NOD1: variants seen among roughly 807,000 people sequenced by gnomAD.
NOD1 encodes nucleotide-binding oligomerization domain-containing protein 1.
Under a neutral mutation model 81.2 loss-of-function variants are expected in NOD1, and 70 were observed. The ratio of observed to expected loss-of-function variants is 0.86; its 90% CI spans 0.71 to 1.05. The LOEUF (loss-of-function observed/expected upper bound fraction) is 1.05, where lower values mean the gene tolerates loss of function less well. NOD1 is among the 50% of genes least tolerant of loss of function. NOD1 has a pLI of 0.00. For synonymous variants in NOD1, 508 were observed against 526.9 expected, an observed-to-expected ratio of 0.96 and a Z score of 0.49; for missense variants, 1,233 against 1,228.0, an observed-to-expected ratio of 1.00 and a Z score of -0.06.
chr7:30,426,556 C>T (rs1369008923), intron 13 of NOD1, among the ~76,000 whole-genome samples: 1 of 152,072 alleles, frequency 6.6e-6, no homozygotes, highest in Non-Finnish European at 1.5e-5. Context: ...AATTCAGTTT[C>T]CTAGAAGAGC....
chr7:30,436,139 C>T (rs1784361269), intron 10 of NOD1, 58 bp from the exon 11 acceptor site: 8 of 1,362,172 alleles, frequency 5.9e-6, no homozygotes, highest in Admixed American at 5.2e-5. Flanking sequence ...TCAATCTTAG[C>T]TTCAACATCA....
At chr7:30,454,861 A>C (rs940066258) in intron 5 of NOD1, among the ~76,000 whole-genome samples, 1 of 152,210 alleles carries the variant, frequency 6.6e-6, no homozygotes, top group Non-Finnish European at 1.5e-5. Flanking sequence ...AAATGTCTAC[A>C]TATGTCAGAA....
chr7:30,433,495 G>A, intron 11 of NOD1: 2 of 370,232 alleles, frequency 5.4e-6, no homozygotes, highest in Non-Finnish European at 9.8e-6. Context: ...GAAAACAAAG[G>A]GCCAATGCCT....
At chr7:30,454,281 A>T (rs1327215628) in intron 5 of NOD1, among the ~76,000 whole-genome samples, 1 of 152,262 alleles carries the variant, frequency 6.6e-6, no homozygotes, top group African/African-American at 2.4e-5. Context: ...TGGAGAGTTC[A>T]AAAGCAGGGA....
At chr7:30,436,846 C>T (rs941386781) in intron 10 of NOD1, among the ~76,000 whole-genome samples, 2 of 152,150 alleles carry the variant, frequency 1.3e-5, no homozygotes, top group African/African-American at 4.8e-5. Context: ...ACCAGAAATA[C>T]CATTTGACCC....
chr7:30,455,378 C>G, intron 4 of NOD1, 67 bp from the exon 5 acceptor site: 2 of 1,305,650 alleles, frequency 1.5e-6, no homozygotes, highest in Non-Finnish European at 2.2e-6. Context: ...TAAGGACCCT[C>G]AGGCAGGCTC....
At chr7:30,430,777 G>A (rs545685561) in intron 12 of NOD1, among the ~76,000 whole-genome samples, 1 of 152,242 alleles carries the variant, frequency 6.6e-6, no homozygotes, top group Non-Finnish European at 1.5e-5. Flanking sequence ...GGGGAAGGGA[G>A]CTCTTGTCAC....
At chr7:30,469,557 G>A (rs964078877) in intron 1 of NOD1, among the ~76,000 whole-genome samples, 11 of 152,184 alleles carry the variant, frequency 7.2e-5, no homozygotes, top group Non-Finnish European at 1.2e-4. Flanking sequence ...ACAGTGGAAC[G>A]CATACATCCT....
Position 30,451,179 on chromosome 7 carries a change from C to CGGCCCACCT in NOD1, c.2201+28_2201+36dup. 1.3e-6 allele frequency: 2 copies of CGGCCCACCT among 1,594,840 alleles called. No homozygotes were observed. The highest frequency in any genetic ancestry group is 1.7e-6 in the Non-Finnish European group (2 of 1,169,630). On this transcript the variant is annotated intron_variant, in intron 6 of 13. Coordinates refer to ENST00000222823, the MANE Select transcript of NOD1 (RefSeq NM_006092.4). The surrounding 1 kb of genome is among the most constrained non-coding windows in gnomAD (Gnocchi z 4.2). ...CGATGCCCTCCGAGCCTGGCCCGCC[C>CGGCCCACCT]GGCCCACCTGTTGCTCCCCTTGCCT...
intron 9 of NOD1, among the ~76,000 whole-genome samples, chr7:30,445,584 C>A (rs987744608): frequency 6.6e-6 from 1 of 151,556 alleles, no homozygotes. Context: ...CATGGTGAAA[C>A]CCCGCCTCTA....
chr7:30,454,300 T>A (rs1786114670), intron 5 of NOD1, among the ~76,000 whole-genome samples: 1 of 152,228 alleles, frequency 6.6e-6, no homozygotes, highest in African/African-American at 2.4e-5. Flanking sequence ...GAAAGAAGAC[T>A]CCTGCCCCAG....
At chr7:30,430,969 T>C (rs959190318) in intron 12 of NOD1, among the ~76,000 whole-genome samples, 3 of 152,240 alleles carry the variant, frequency 2.0e-5, no homozygotes, top group Admixed American at 1.3e-4. Flanking sequence ...TCAGTTACAC[T>C]CTGCTGTTTT....
At chr7:30,446,814 A>G (rs550210462) in intron 8 of NOD1, 153 bp downstream of exon 8, 191 of 631,608 alleles carry the variant, frequency 3.0e-4, no homozygotes, top group Non-Finnish European at 4.6e-4. Context: ...AGCCTCACAG[A>G]TCACACAGAG....
rs1388321174 is a variant in NOD1, at chr7:30,437,590, G to T, written c.2520C>A (p.Pro840=). 1 of 1,507,622 alleles carries T rather than the reference G, an allele frequency of 6.6e-7. No individual in the cohort carries two copies. The highest frequency in any genetic ancestry group is 8.8e-7 in the Non-Finnish European group (1 of 1,140,646). 93.4% of individuals were successfully genotyped at this position (1,507,622 alleles called of 1,614,324 possible). A position where few individuals can be genotyped will look rare whatever the true frequency, so the allele number is the denominator to read the frequency against. Residue 840 remains proline, a synonymous_variant, in exon 10 of 14, where the codon CCC becomes CCA. Transcript: ENST00000222823. The stretch of plus-strand genomic sequence containing the variant: ...ACAGTTACCTCAGGGTGGTCAAGCT[G>T]GGGTGGTTCCGCAGAGCCTCTGCGA... ...KAFAEALRNH[P]SLTTLSLASN...
In NOD1 at chr7:30,456,935, A is replaced by G; in HGVS notation, c.-14T>C. ...CTGCTCTTCCATAGTTAAAGTAGCA[A>G]GCGGCTACTTTTCCCAAATTCATCT... On this transcript the variant is annotated 5_prime_UTR_variant, in exon 4 of 14. Transcript: ENST00000222823. The G allele has an allele frequency of 6.2e-7, 1 of 1,611,294 alleles. No homozygotes were observed. The highest frequency in any genetic ancestry group is 8.5e-7 in the Non-Finnish European group (1 of 1,177,416).
chr7:30,434,108 G>A (rs1287083742), intron 11 of NOD1, among the ~76,000 whole-genome samples: 4 of 152,186 alleles, frequency 2.6e-5, no homozygotes, highest in African/African-American at 7.2e-5. Flanking sequence ...CATCTACTCC[G>A]GACTCAGCCT....
intron 6 of NOD1, among the ~76,000 whole-genome samples, chr7:30,449,021 C>T (rs1213255774): frequency 2.0e-5 from 3 of 152,148 alleles, no homozygotes; most frequent in African/African-American, 4.8e-5. Flanking sequence ...CTCTGTGGGC[C>T]ATGTGGTCTC....
intron 13 of NOD1, among the ~76,000 whole-genome samples, chr7:30,427,047 C>G (rs1056561348): frequency 6.6e-6 from 1 of 152,092 alleles, no homozygotes; most frequent in African/African-American, 2.4e-5. Context: ...GACAGTGAAC[C>G]CATGAAGCCA....
intron 6 of NOD1, among the ~76,000 whole-genome samples, chr7:30,450,913 C>G: frequency 6.6e-6 from 1 of 152,290 alleles, no homozygotes; most frequent in African/African-American, 2.4e-5. Flanking sequence ...CCATTCTCAA[C>G]TAACATTGGT....
Sources: allele counts gnomAD v4.1 joint callset (sites outside exome capture counted in the v4.1 genomes callset), GRCh38; gene constraint gnomAD v4.1.1; non-coding constraint Gnocchi (gnomAD v3.1); transcripts MANE v1.5; gene names NCBI Gene and HGNC (gene_info 2026-07-23, HGNC 2026-07-21).